Variants in IGHMBP2 observed in about 807,000 individuals in gnomAD.
IGHMBP2 encodes immunoglobulin mu DNA binding protein 2.
Under a neutral mutation model 96.0 loss-of-function variants are expected in IGHMBP2, and 81 were observed. That is an observed-to-expected ratio of 0.84 (90% CI 0.71 to 1.01). The LOEUF (loss-of-function observed/expected upper bound fraction) is 1.01. IGHMBP2 is among the 50% of genes least tolerant of loss of function. The probability of loss-of-function intolerance (pLI) is 0.00; values close to 1 mark genes in which losing one functional copy is unlikely to be tolerated. For missense variants in IGHMBP2, 1,227 were observed against 1,306.3 expected (o/e 0.94, Z 0.94); for synonymous variants, 557 against 548.9 (o/e 1.01, Z -0.21).
chr11:68,905,614 C>T (rs963081520), intron 1 of IGHMBP2, among the ~76,000 whole-genome samples: 2 of 152,104 alleles, frequency 1.3e-5, no homozygotes, highest in African/African-American at 4.8e-5. Flanking sequence ...GTGAGGGAGG[C>T]GAATAGCTTT....
intron 6 of IGHMBP2, 86 bp from the exon 7 acceptor site, chr11:68,917,650 T>C (rs773080800): frequency 3.5e-5 from 39 of 1,115,792 alleles, no homozygotes; most frequent in Non-Finnish European, 5.1e-5. Context: ...TGAACTGGAC[T>C]GAATGATAGA....
chr11:68,906,528 T>G, intron 2 of IGHMBP2: 1 of 412,320 alleles, frequency 2.4e-6, no homozygotes, highest in Non-Finnish European at 4.4e-6. Context: ...AAAAAACAAT[T>G]GGGAATATCT....
chr11:68,908,598 G>T lies in IGHMBP2; in HGVS notation c.514G>T (p.Gly172Cys). The change falls in exon 4 of 15, where the codon GGC becomes TGC. Residue 172 changes from glycine (G) to cysteine (C), a missense_variant. Physicochemically the swap from Gly to Cys is radical, Grantham distance 159. Coordinates refer to ENST00000255078, the MANE Select transcript of IGHMBP2 (RefSeq NM_002180.3). ...PASSLIEVLF[G>C]RSAPSPASEI... ...CTCCTCACTCATAGAAGTGCTCTTT[G>T]GCAGATCTGCTCCCAGTCCTGCCAG... 6.2e-7 allele frequency: 1 copy of T among 1,613,880 alleles called. No homozygotes were observed. Among genetic ancestry groups the T allele is most frequent in the South Asian group, 1.1e-5 (1 of 91,084 alleles).
At chr11:68,911,409 C>T (rs1858427691) in intron 4 of IGHMBP2, 31 bp from the exon 5 acceptor site, 1 of 1,610,938 alleles carries the variant, frequency 6.2e-7, no homozygotes, top group Non-Finnish European at 8.5e-7. Context: ...CCCCAGAGCA[C>T]CTGAGCCTCA....
intron 7 of IGHMBP2, among the ~76,000 whole-genome samples, chr11:68,922,403 T>C (rs1048428404): frequency 6.6e-6 from 1 of 152,060 alleles, no homozygotes; most frequent in Non-Finnish European, 1.5e-5. Context: ...ATTTGCTTCA[T>C]GTTTTTTTTT....
Position 68,936,837 on chromosome 11 carries a change from C to T in IGHMBP2, c.2357C>T (p.Ala786Val). 1.9e-6 allele frequency: 3 copies of T among 1,613,504 alleles called. No homozygotes were observed. The highest frequency in any genetic ancestry group is 2.5e-6 in the Non-Finnish European group (3 of 1,180,004). The change falls in exon 13 of 15, where the codon GCC (alanine) becomes GTC (valine). Residue 786 changes from alanine to valine, a missense_variant. This residue lies in a region of IGHMBP2 where 703 missense variants were observed against 770.3 expected (regional missense o/e 0.91). Transcript: ENST00000255078. ...AGGTTCATCACTGTGAGCAAGAGGG[C>T]CCCGCGACCCCGAGCAGCCCTGGGA... The part of the protein sequence containing the change: ...KRRFITVSKR[A>V]PRPRAALGPP...
chr11:68,935,327 A>C lies in IGHMBP2; in HGVS notation c.1661A>C (p.His554Pro). The change falls in exon 12 of 15, where the codon CAC (histidine) becomes CCC (proline). Residue 554 changes from histidine to proline, a missense_variant. His to Pro is a moderately conservative substitution (Grantham distance 77). Transcript: ENST00000255078. The stretch of plus-strand genomic sequence containing the variant: ...GACCTGCTCAGACAGAGCCTTGTGC[A>C]CAGGCACCCTGAGCTTGAAATCAAG... ...QVDLLRQSLV[H>P]RHPELEIKSV... is the part of the protein sequence containing the mutation. 6.2e-7 allele frequency: 1 copy of C among 1,614,162 alleles called. No individual in the cohort carries two copies. Among genetic ancestry groups the C allele is most frequent in the East Asian group, 2.2e-5 (1 of 44,880 alleles).
At position 68,928,269 on chromosome 11, in the gene IGHMBP2, T is replaced by C. The variant is rs1031510560; in HGVS notation, c.1061-914T>C. Among the ~76,000 whole-genome samples, 33 of 152,196 alleles carry C rather than the reference T, an allele frequency of 2.2e-4. 1 individual carries two copies. Among genetic ancestry groups the C allele is most frequent in the Non-Finnish European group, 7.3e-5 (5 of 68,038 alleles). On this transcript the variant is annotated intron_variant, in intron 7 of 14. Coordinates refer to ENST00000255078, the MANE Select transcript of IGHMBP2 (RefSeq NM_002180.3). ...TAGAGTGAGTTCCTGGAAGTGCTTC[T>C]CCATCATGAAGTCTGGTTTCTCTCT...
intron 14 of IGHMBP2, among the ~76,000 whole-genome samples, chr11:68,938,917 G>A (rs760350586): frequency 4.6e-5 from 7 of 152,152 alleles, no homozygotes; most frequent in Non-Finnish European, 8.8e-5. Context: ...GTGGCAGCAG[G>A]GTCACCCACC....
At position 68,914,753 on chromosome 11, in the gene IGHMBP2, G is replaced by GT; in HGVS notation, c.712-68dup. 2 of 1,512,998 alleles carry GT rather than the reference G, an allele frequency of 1.3e-6. 1 individual carries two copies. The highest frequency in any genetic ancestry group is 2.2e-5 in the South Asian group (2 of 88,948). 93.7% of individuals were successfully genotyped at this position (1,512,998 alleles called of 1,614,324 possible). ...CTTCTTTCTACCTTTAAGGCTTTTT[G>GT]TTGTTTTAGTGTCAACTTCAGTGGT... On this transcript the variant is annotated intron_variant, in intron 5 of 14. Transcript: ENST00000255078.
At chr11:68,939,411 TGGC>T in intron 14 of IGHMBP2, 120 bp from the exon 15 acceptor site, 1 of 978,064 alleles carries the variant, frequency 1.0e-6, no homozygotes, top group Non-Finnish European at 1.6e-6. Flanking sequence ...AGGACTGACA[TGGC>T]GGGAGGAGTG....
Position 68,936,919 on chromosome 11 carries a change from G to T in IGHMBP2, c.2439G>T (p.Ala813=). 1.2e-6 allele frequency: 2 copies of T among 1,603,336 alleles called. No individual in the cohort carries two copies. Among genetic ancestry groups the T allele is most frequent in the South Asian group, 1.1e-5 (1 of 90,010 alleles). ...TCCAGCCAGTGCCCCCTACCCCTGCGCAGACAGAGCAGCCTCCCAGGGAGC... is the reference window on the plus strand; with the variant it reads ...TCCAGCCAGTGCCCCCTACCCCTGCTCAGACAGAGCAGCCTCCCAGGGAGC... ...APLQPVPPTP[A]QTEQPPREQR... Residue 813 remains alanine, a synonymous_variant, in exon 13 of 15, where the codon GCG becomes GCT. Coordinates refer to ENST00000255078, the MANE Select transcript of IGHMBP2 (RefSeq NM_002180.3).
intron 5 of IGHMBP2, among the ~76,000 whole-genome samples, chr11:68,914,257 C>T (rs1858558750): frequency 6.6e-6 from 1 of 151,352 alleles, no homozygotes; most frequent in Non-Finnish European, 1.5e-5. Flanking sequence ...GATCCTGCCA[C>T]TGCGCTCCAG....
At chr11:68,925,441 A>C (rs1236053703) in intron 7 of IGHMBP2, among the ~76,000 whole-genome samples, 4 of 152,034 alleles carry the variant, frequency 2.6e-5, no homozygotes, top group African/African-American at 4.8e-5. Context: ...GAGCCACCAC[A>C]CCTGGCTAGA....
At chr11:68,928,928 G>A (rs1302395047) in intron 7 of IGHMBP2, among the ~76,000 whole-genome samples, 2 of 152,274 alleles carry the variant, frequency 1.3e-5, no homozygotes, top group African/African-American at 4.8e-5. Flanking sequence ...CAGCCCCGAA[G>A]GGGTGATTAA....
At chr11:68,916,914 T>C (rs1394133422) in intron 6 of IGHMBP2, among the ~76,000 whole-genome samples, 1 of 150,902 alleles carries the variant, frequency 6.6e-6, no homozygotes, top group East Asian at 1.9e-4. Context: ...AAATACCTCC[T>C]GTCACCCCTG....
intron 7 of IGHMBP2, among the ~76,000 whole-genome samples, chr11:68,926,008 T>G (rs1182464993): frequency 4.3e-5 from 4 of 93,998 alleles, no homozygotes; most frequent in Non-Finnish European, 1.1e-4. Flanking sequence ...TCAGCCATTA[T>G]TTTTTCAGGT....
chr11:68,934,113 G>T, intron 10 of IGHMBP2, 200 bp downstream of exon 10: 1 of 628,898 alleles, frequency 1.6e-6, no homozygotes, highest in Non-Finnish European at 2.9e-6. Flanking sequence ...GGGTGAGATG[G>T]GCCTGGCAGC....
At chr11:68,927,248 C>T (rs1191939312) in intron 7 of IGHMBP2, among the ~76,000 whole-genome samples, 2 of 152,238 alleles carry the variant, frequency 1.3e-5, no homozygotes, top group African/African-American at 4.8e-5. Context: ...TGTTTAGTGA[C>T]TTTTCTGGAC....
Sources: gnomAD v4.1 joint callset for allele counts (sites outside exome capture counted in the v4.1 genomes callset) on GRCh38, gnomAD v4.1.1 for gene constraint, gnomAD v4.1.1 regional missense constraint, MANE v1.5 for transcripts, NCBI Gene and HGNC (gene_info 2026-07-23, HGNC 2026-07-21) for gene names.